The following GANC variants were observed in gnomAD, a reference collection of about 807,000 sequenced individuals.
GANC encodes the protein neutral alpha-glucosidase C.
A neutral mutation model predicts 124.2 loss-of-function variants in GANC; 117 were observed. The ratio of observed to expected loss-of-function variants is 0.94; its 90% CI spans 0.81 to 1.10. GANC has a LOEUF of 1.10. Ranked by LOEUF, GANC falls within the 50% of genes least tolerant of loss-of-function variation. The pLI is 0.00. For synonymous variants in GANC, 377 were observed against 376.8 expected (o/e 1.00, Z -0.01); for missense variants, 1,140 against 1,095.0 (o/e 1.04, Z -0.58).
intron 3 of GANC, among the ~76,000 whole-genome samples, chr15:42,286,674 G>A (rs1229213967): frequency 6.6e-6 from 1 of 152,190 alleles, no homozygotes; most frequent in Non-Finnish European, 1.5e-5. Context: ...TAACTGCCCT[G>A]ATTGCTTCCC....
At chr15:42,338,323 T>G (rs2052299609) in intron 15 of GANC, 66 bp from the exon 16 acceptor site, 1 of 1,016,466 alleles carries the variant, frequency 9.8e-7, no homozygotes, top group African/African-American at 1.6e-5. Flanking sequence ...AAATAAGGAA[T>G]CTACATAGGA....
At chr15:42,336,032 G>A (rs2052280327) in intron 15 of GANC, among the ~76,000 whole-genome samples, 1 of 151,714 alleles carries the variant, frequency 6.6e-6, no homozygotes, top group Non-Finnish European at 1.5e-5. Flanking sequence ...TGTTGAAATG[G>A]CCATACTGCC....
intron 14 of GANC, among the ~76,000 whole-genome samples, chr15:42,330,361 A>G (rs1203038604): frequency 1.3e-5 from 2 of 152,242 alleles, no homozygotes; most frequent in African/African-American, 4.8e-5. Flanking sequence ...TTATTATTTC[A>G]TTGCTATTGT....
intron 15 of GANC, among the ~76,000 whole-genome samples, chr15:42,332,488 A>C (rs777755163): frequency 3.5e-4 from 54 of 152,192 alleles, no homozygotes; most frequent in Non-Finnish European, 8.8e-5. Context: ...GTGTAGCAAG[A>C]CATTACAGGA....
At chr15:42,275,228 G>A (rs2051653868) in intron 1 of GANC, among the ~76,000 whole-genome samples, 1 of 152,068 alleles carries the variant, frequency 6.6e-6, no homozygotes, top group Non-Finnish European at 1.5e-5. Context: ...TTTAAAGTTA[G>A]CCAGACGTGG....
At chr15:42,294,839 T>G (rs970148864) in intron 5 of GANC, among the ~76,000 whole-genome samples, 2 of 151,600 alleles carry the variant, frequency 1.3e-5, no homozygotes, top group East Asian at 3.8e-4. Flanking sequence ...TTTAAAGTTG[T>G]TTCTAATCTT....
chr15:42,334,518 A>C (rs965219098), intron 15 of GANC, among the ~76,000 whole-genome samples: 1 of 152,184 alleles, frequency 6.6e-6, no homozygotes, highest in African/African-American at 2.4e-5. Flanking sequence ...AGAACACAAA[A>C]AGCATGAATC....
intron 8 of GANC, among the ~76,000 whole-genome samples, chr15:42,309,861 A>T (rs2052034160): frequency 6.6e-6 from 1 of 151,962 alleles, no homozygotes; most frequent in African/African-American, 2.4e-5. Context: ...TCTACCAAAA[A>T]ATACAAAAAT....
chr15:42,284,339 A>C (rs1222600839), intron 3 of GANC: 1 of 250,108 alleles, frequency 4.0e-6, no homozygotes, highest in Non-Finnish European at 7.7e-6. Context: ...AGACAAAGCT[A>C]TTTCTACCAC....
chr15:42,285,482 G>T (rs2141020775), intron 3 of GANC, among the ~76,000 whole-genome samples: 1 of 152,296 alleles, frequency 6.6e-6, no homozygotes, highest in Admixed American at 6.5e-5. Flanking sequence ...GTAGAGCCTG[G>T]ACCAAGAAAG....
intron 16 of GANC, among the ~76,000 whole-genome samples, chr15:42,338,876 A>G (rs1209387030): frequency 1.3e-5 from 2 of 152,228 alleles, no homozygotes; most frequent in African/African-American, 4.8e-5. Context: ...AATTCTTTTT[A>G]CTCAGCAGAT....
At chr15:42,313,240 C>G (rs1207183134) in intron 10 of GANC, among the ~76,000 whole-genome samples, 4 of 23,156 alleles carry the variant, frequency 1.7e-4, no homozygotes, top group Admixed American at 2.3e-3. Context: ...GTATCATATA[C>G]AAAAAAATAA....
At chr15:42,325,279 CAAACAAAAAAAA>C (rs1029796729) in intron 11 of GANC, among the ~76,000 whole-genome samples, 2 of 149,874 alleles carry the variant, frequency 1.3e-5, no homozygotes, top group Admixed American at 6.6e-5. Flanking sequence ...TCTCAAAAAA[CAAACAAAAAAAA>C]AAATTTAAGA....
chr15:42,291,059 A>G (rs2051836107), intron 4 of GANC, among the ~76,000 whole-genome samples: 1 of 152,022 alleles, frequency 6.6e-6, no homozygotes, highest in Non-Finnish European at 1.5e-5. Flanking sequence ...CTCCAGACCC[A>G]TCATCAGAGT....
intron 15 of GANC, among the ~76,000 whole-genome samples, chr15:42,335,514 A>G (rs1267321244): frequency 4.6e-5 from 7 of 152,204 alleles, no homozygotes; most frequent in Non-Finnish European, 1.0e-4. Flanking sequence ...ACATCATACT[A>G]AATGGGCAAA....
At chr15:42,319,837 C>T (rs1167533309) in intron 10 of GANC, among the ~76,000 whole-genome samples, 1 of 152,102 alleles carries the variant, frequency 6.6e-6, no homozygotes, top group Non-Finnish European at 1.5e-5. Context: ...ATCCAAAGCC[C>T]AAAATGCTCC....
chr15:42,335,135 G>C (rs2052274408), intron 15 of GANC, among the ~76,000 whole-genome samples: 1 of 152,134 alleles, frequency 6.6e-6, no homozygotes, highest in Non-Finnish European at 1.5e-5. Context: ...GCATCATCCT[G>C]ATGCCAAAAC....
intron 14 of GANC, among the ~76,000 whole-genome samples, chr15:42,329,664 T>C (rs1159585861): frequency 1.3e-5 from 2 of 152,224 alleles, no homozygotes; most frequent in African/African-American, 2.4e-5. Flanking sequence ...TGATGAACTT[T>C]TAAATATTAT....
rs60220273 is a variant in GANC, at chr15:42,295,639, GACACACACACACACAC to G, written c.513-1938_513-1923del. On this transcript the variant is annotated intron_variant, in intron 5 of 23. Coordinates refer to ENST00000318010, the MANE Select transcript of GANC (RefSeq NM_198141.3). ...CAAGAAGAAAAAAAGCTTTATTATA[GACACACACACACACAC>G]ACACACACACACACACACACACACA... Among the ~76,000 whole-genome samples the G allele has an allele frequency of 6.0e-3, 824 of 137,718 alleles. 13 individuals are homozygous for G. Among genetic ancestry groups the G allele is most frequent in the African/African-American group, 0.021 (761 of 35,970 alleles). 90.3% of individuals were successfully genotyped at this position (137,718 alleles called of 152,430 possible). A position where few individuals can be genotyped will look rare whatever the true frequency, so the allele number is the denominator to read the frequency against.
Sources: allele counts gnomAD v4.1 joint callset (sites outside exome capture counted in the v4.1 genomes callset), GRCh38; gene constraint gnomAD v4.1.1; transcripts MANE v1.5; gene names NCBI Gene and HGNC (gene_info 2026-07-23, HGNC 2026-07-21).